Variants in TECRL observed in about 807,000 individuals in gnomAD.
TECRL encodes trans-2,3-enoyl-CoA reductase like.
A neutral mutation model predicts 52.8 loss-of-function variants in TECRL; 63 were observed. The ratio of observed to expected loss-of-function variants is 1.19; its 90% CI spans 0.97 to 1.47. The LOEUF (loss-of-function observed/expected upper bound fraction) is 1.47, where lower values mean the gene tolerates loss of function less well. TECRL is among the 40% of genes most tolerant of loss of function. TECRL has a pLI of 0.00. For missense variants in TECRL, 482 were observed against 429.6 expected (o/e 1.12, Z -1.08); for synonymous variants, 164 against 141.9 (o/e 1.16, Z -1.10).
chr4:64,291,259 G>A (rs1432377094), intron 8 of TECRL, among the ~76,000 whole-genome samples: 15 of 151,964 alleles, frequency 9.9e-5, no homozygotes, highest in Admixed American at 9.9e-4. Flanking sequence ...GATAATTTTA[G>A]TTATCAATTT....
intron 5 of TECRL, among the ~76,000 whole-genome samples, chr4:64,312,264 ATT>A (rs1717070010): frequency 6.6e-6 from 1 of 152,202 alleles, no homozygotes; most frequent in Non-Finnish European, 1.5e-5. Context: ...CATCCTGAAA[ATT>A]AGGTGACAGA....
intron 1 of TECRL, among the ~76,000 whole-genome samples, chr4:64,394,907 ATTTTTTTT>A (rs751448355): frequency 8.8e-4 from 93 of 105,102 alleles, no homozygotes; most frequent in African/African-American, 3.5e-3. Context: ...ATTAACAAGC[ATTTTTTTT>A]TTTTTTTTTT....
intron 2 of TECRL, among the ~76,000 whole-genome samples, chr4:64,372,047 ATTCT>A (rs1191917897): frequency 2.0e-5 from 3 of 151,716 alleles, no homozygotes; most frequent in African/African-American, 4.8e-5. Flanking sequence ...GGGACTAATA[ATTCT>A]TTATTTTTCA....
intron 2 of TECRL, among the ~76,000 whole-genome samples, chr4:64,342,639 T>A (rs773455083): frequency 1.4e-4 from 22 of 152,100 alleles, no homozygotes; most frequent in Non-Finnish European, 3.1e-4. Context: ...GGTAAATGAT[T>A]TCCATGAATC....
At chr4:64,283,105 G>T (rs1375576496) in intron 9 of TECRL, among the ~76,000 whole-genome samples, 1 of 151,992 alleles carries the variant, frequency 6.6e-6, no homozygotes, top group East Asian at 1.9e-4. Context: ...TACGGTATTT[G>T]ATCAATATTG....
At chr4:64,404,676 A>T (rs1724591124) in intron 1 of TECRL, among the ~76,000 whole-genome samples, 1 of 152,076 alleles carries the variant, frequency 6.6e-6, no homozygotes, top group African/African-American at 2.4e-5. Flanking sequence ...CTGTCTATTA[A>T]TGAATTATAC....
chr4:64,388,500 A>G (rs1007749823), intron 1 of TECRL, among the ~76,000 whole-genome samples: 5 of 151,878 alleles, frequency 3.3e-5, no homozygotes, highest in African/African-American at 1.2e-4. Context: ...TGTTTTAGCT[A>G]GGCTGGATCT....
chr4:64,396,140 G>GCATGTATATT (rs1233250771), intron 1 of TECRL, among the ~76,000 whole-genome samples: 1 of 149,794 alleles, frequency 6.7e-6, no homozygotes, highest in East Asian at 2.0e-4. Context: ...ATATACATGT[G>GCATGTATATT]CATGTATTTG....
intron 4 of TECRL, among the ~76,000 whole-genome samples, chr4:64,321,616 G>A (rs1262036819): frequency 2.6e-5 from 4 of 151,936 alleles, no homozygotes; most frequent in Non-Finnish European, 5.9e-5. Flanking sequence ...ATTTCCTCTT[G>A]CTGTTGAAGC....
At chr4:64,391,871 CT>C (rs1157240389) in intron 1 of TECRL, among the ~76,000 whole-genome samples, 1 of 151,870 alleles carries the variant, frequency 6.6e-6, no homozygotes, top group East Asian at 1.9e-4. Context: ...GTCACACTGT[CT>C]TTGTTACAGG....
In TECRL at chr4:64,299,942, C is replaced by T. The variant is rs190339457; in HGVS notation, c.774+32G>A. 0.019 allele frequency: 27,472 copies of T among 1,410,662 alleles called. 330 individuals carry two copies. The highest frequency in any genetic ancestry group is 0.023 in the Non-Finnish European group (23,728 of 1,046,208). 87.4% of individuals were successfully genotyped at this position (1,410,662 alleles called of 1,614,324 possible). ...TTTCTTAATAATACCAAAATTAGAG[C>T]GTGAATAGCAAAATATATATATGAT... On this transcript the variant is annotated intron_variant, in intron 8 of 11. Transcript: ENST00000381210.
intron 1 of TECRL, among the ~76,000 whole-genome samples, chr4:64,384,851 T>G (rs992472950): frequency 6.6e-6 from 1 of 152,126 alleles, no homozygotes; most frequent in Non-Finnish European, 1.5e-5. Flanking sequence ...GCACAGACAC[T>G]GGAAAAGGTG....
At chr4:64,326,835 G>A (rs1718297634) in intron 3 of TECRL, among the ~76,000 whole-genome samples, 1 of 152,022 alleles carries the variant, frequency 6.6e-6, no homozygotes. Context: ...TTTTGTGTGA[G>A]GAAACTATAG....
At chr4:64,398,807 A>AACTT (rs557001075) in intron 1 of TECRL, among the ~76,000 whole-genome samples, 419 of 152,264 alleles carry the variant, frequency 2.8e-3, no homozygotes, top group African/African-American at 9.4e-3. Flanking sequence ...GAAAGTTTGA[A>AACTT]ACTTAAAGAC....
intron 1 of TECRL, among the ~76,000 whole-genome samples, chr4:64,406,147 G>GGC (rs67324937): frequency 0.23 from 33,304 of 145,810 alleles, 4,035 homozygotes; most frequent in East Asian, 0.3. Context: ...TTATTTGTTA[G>GGC]GCGCGCGCGC....
chr4:64,297,431 G>A (rs753992140), intron 8 of TECRL, among the ~76,000 whole-genome samples: 6 of 150,988 alleles, frequency 4.0e-5, no homozygotes, highest in African/African-American at 4.8e-5. Flanking sequence ...TTAATATAAC[G>A]TTTTATCAGC....
chr4:64,352,112 G>A (rs577399847), intron 2 of TECRL, among the ~76,000 whole-genome samples: 3 of 152,084 alleles, frequency 2.0e-5, no homozygotes, highest in African/African-American at 7.2e-5. Context: ...TTGATGAATG[G>A]TGTTAGAAGC....
chr4:64,342,274 C>T (rs1719635145), intron 2 of TECRL, among the ~76,000 whole-genome samples: 1 of 152,082 alleles, frequency 6.6e-6, no homozygotes, highest in Non-Finnish European at 1.5e-5. Flanking sequence ...GTGAAATCTC[C>T]ATGAGAACAA....
At chr4:64,321,898 T>C (rs1198345036) in intron 4 of TECRL, among the ~76,000 whole-genome samples, 1 of 152,208 alleles carries the variant, frequency 6.6e-6, no homozygotes, top group African/African-American at 2.4e-5. Context: ...CTGGATATTC[T>C]ATACTCTTCT....
Sources: gnomAD v4.1 joint callset for allele counts (sites outside exome capture counted in the v4.1 genomes callset) on GRCh38, gnomAD v4.1.1 for gene constraint, MANE v1.5 for transcripts, NCBI Gene and HGNC (gene_info 2026-07-23, HGNC 2026-07-21) for gene names.